PPP1R13L: variants seen among roughly 807,000 people sequenced by gnomAD.
The protein encoded by PPP1R13L is relA-associated inhibitor.
PPP1R13L carries 50 observed loss-of-function variants against 80.9 expected under a neutral mutation model. The ratio of observed to expected loss-of-function variants is 0.62; its 90% CI spans 0.49 to 0.78. The LOEUF is 0.78. PPP1R13L is among the 30% of genes least tolerant of loss of function. PPP1R13L has a pLI of 0.00. For synonymous variants in PPP1R13L, 602 were observed against 534.3 expected (o/e 1.13, Z -1.75); for missense variants, 1,200 against 1,205.9 (o/e 1.00, Z 0.07).
intron 7 of PPP1R13L, chr19:45,394,847 CCT>C (rs1491200837): frequency 2.9e-5 from 4 of 137,444 alleles, no homozygotes; most frequent in Admixed American, 1.4e-4. Flanking sequence ...TCATTATTTG[CCT>C]TTTTTTTTTT....
intron 12 of PPP1R13L, 120 bp from the exon 13 acceptor site, chr19:45,380,348 A>G: frequency 8.9e-7 from 1 of 1,118,142 alleles, no homozygotes; most frequent in Non-Finnish European, 1.3e-6. Context: ...CACCTCCCAA[A>G]CTGCTCCAGA....
chr19:45,395,865 G>C lies in PPP1R13L; in HGVS notation c.925C>G (p.Leu309Val). The C allele has an allele frequency of 6.3e-7, 1 of 1,595,014 alleles. No homozygotes were observed. Among genetic ancestry groups the C allele is most frequent in the Non-Finnish European group, 8.5e-7 (1 of 1,172,082 alleles). Residue 309 changes from leucine to valine, a missense_variant, in exon 7 of 13, where the codon CTG becomes GTG. By Grantham distance (32) the Leu-to-Val change is conservative. Around this residue, in one of 5 missense-constraint regions of PPP1R13L, gnomAD observed 764 missense variants for 714.5 expected, o/e 1.07. Coordinates refer to ENST00000360957, the MANE Select transcript of PPP1R13L (RefSeq NM_006663.4). ...TGKDNLTSATLPRNYKVSPLA... is the reference protein window; with the variant it reads ...TGKDNLTSATVPRNYKVSPLA... ...GGAGAGACCTTGTAATTGCGCGGCA[G>C]GGTGGCGCTAGTGAGGTTGTCCTGG...
chr19:45,385,264 A>G (rs1972842287), intron 11 of PPP1R13L, among the ~76,000 whole-genome samples: 1 of 152,218 alleles, frequency 6.6e-6, no homozygotes, highest in African/African-American at 2.4e-5. Flanking sequence ...GGCAGGGTTG[A>G]AACGTTCAGC....
intron 12 of PPP1R13L, among the ~76,000 whole-genome samples, chr19:45,382,098 G>A (rs549550402): frequency 4.8e-4 from 73 of 152,098 alleles, no homozygotes; most frequent in African/African-American, 1.7e-3. Flanking sequence ...AAAAGTAGCC[G>A]GGCGTGGTGG....
At position 45,395,753 on chromosome 19, in the gene PPP1R13L, C is replaced by T. The variant is rs1973073735; in HGVS notation, c.1037G>A (p.Trp346Ter). The change falls in exon 7 of 13, where the codon TGG becomes TAG. Residue 346 changes from tryptophan (W) to a stop codon, truncating the protein, a stop_gained. Transcript: ENST00000360957. LOFTEE classifies it high-confidence loss of function. ...CATGGGGATGCGGCTGACGGGCTGC[C>T]AGCTGCGAGGCAAAGTGCCCGACGG... ...AGPSGTLPRS[W>*]QPVSRIPMPP... The T allele has an allele frequency of 6.5e-7, 1 of 1,535,492 alleles. No homozygotes were observed. Among genetic ancestry groups the T allele is most frequent in the Non-Finnish European group, 8.7e-7 (1 of 1,146,520 alleles).
chr19:45,385,481 T>C, intron 11 of PPP1R13L, 81 bp downstream of exon 11: 4 of 1,417,470 alleles, frequency 2.8e-6, no homozygotes, highest in Non-Finnish European at 3.8e-6. Context: ...TACCCTTCTC[T>C]CCCTAGTAGG....
intron 1 of PPP1R13L, among the ~76,000 whole-genome samples, chr19:45,399,238 C>G (rs759888687): frequency 6.6e-6 from 1 of 151,010 alleles, no homozygotes; most frequent in African/African-American, 2.4e-5. Flanking sequence ...CCACCGCGCC[C>G]GGCCTTGTTT....
In PPP1R13L at chr19:45,395,615, A is replaced by T. The variant is rs376833119; in HGVS notation, c.1175T>A (p.Leu392His). Reference sequence around the variant, plus strand: ...TCGGGTGAAGAGGGGGGACCCAGGGAGCATGGCGCGGCTGGCCCCGTGCTC... The same window carrying T: ...TCGGGTGAAGAGGGGGGACCCAGGGTGCATGGCGCGGCTGGCCCCGTGCTC... ...FWEHGASRAM[L>H]PGSPLFTRAP... The change falls in exon 7 of 13, where the codon CTC becomes CAC. Residue 392 changes from leucine (L) to histidine (H), a missense_variant. Physicochemically the swap from Leu to His is moderately conservative, Grantham distance 99. Transcript: ENST00000360957. 26 of 1,471,662 alleles carry T rather than the reference A, an allele frequency of 1.8e-5. No homozygotes were observed. The Admixed American group carries it at 2.2e-4, about 12-fold the overall frequency. 91.2% of individuals were successfully genotyped at this position (1,471,662 alleles called of 1,614,324 possible).
At chr19:45,392,667 AG>A in intron 7 of PPP1R13L, 1 of 429,916 alleles carries the variant, frequency 2.3e-6, no homozygotes, top group Admixed American at 3.6e-5. Flanking sequence ...AGTTGCCCAA[AG>A]CCATGCAGTT....
At chr19:45,385,497 GT>G (rs1972846483) in intron 11 of PPP1R13L, 64 bp downstream of exon 11, 8 of 1,477,160 alleles carry the variant, frequency 5.4e-6, no homozygotes, top group Non-Finnish European at 7.3e-6. Flanking sequence ...GTAGGGGGTA[GT>G]TGCTCCCCTC....
At chr19:45,390,393 T>G (rs939842174) in intron 8 of PPP1R13L, among the ~76,000 whole-genome samples, 2 of 152,202 alleles carry the variant, frequency 1.3e-5, no homozygotes, top group Non-Finnish European at 2.9e-5. Context: ...CTGGTCCTGG[T>G]GGTTAAAATA....
At chr19:45,397,159 C>A (rs1973122111) in intron 3 of PPP1R13L, 101 bp from the exon 4 acceptor site, 4 of 970,574 alleles carry the variant, frequency 4.1e-6, no homozygotes, top group Non-Finnish European at 5.4e-6. Context: ...GGAGGTCAAC[C>A]CAGAGGAGGC....
intron 8 of PPP1R13L, among the ~76,000 whole-genome samples, chr19:45,388,279 C>T (rs1275415345): frequency 6.6e-6 from 1 of 152,024 alleles, no homozygotes; most frequent in Non-Finnish European, 1.5e-5. Context: ...TTATTTTCCC[C>T]AAGCTCTCTA....
At chr19:45,390,881 G>A (rs1972958983) in intron 8 of PPP1R13L, among the ~76,000 whole-genome samples, 1 of 152,114 alleles carries the variant, frequency 6.6e-6, no homozygotes, top group Non-Finnish European at 1.5e-5. Context: ...ACCGCGCCCG[G>A]CCGAGACTCA....
upstream of PPP1R13L, among the ~76,000 whole-genome samples, chr19:45,405,531 T>C (rs553132231): frequency 1.1e-4 from 17 of 152,336 alleles, no homozygotes; most frequent in East Asian, 3.1e-3. Context: ...GGGCGACTCT[T>C]TGCCTCGGGT....
In PPP1R13L at chr19:45,396,375, C is replaced by T. The variant is rs1382384630; in HGVS notation, c.774G>A (p.Ala258=). 4.3e-6 allele frequency: 7 copies of T among 1,614,050 alleles called. No individual in the cohort carries two copies. The highest frequency in any genetic ancestry group is 2.7e-5 in the African/African-American group (2 of 74,942). The part of the protein sequence containing the change: ...KAWNESDLDV[A]YEKKPSQTAS... Reference sequence around the variant, plus strand: ...CTGTCTGCGAAGGCTTCTTCTCGTACGCCACGTCCAGGTCAGACTCGTTCC... The same window carrying T: ...CTGTCTGCGAAGGCTTCTTCTCGTATGCCACGTCCAGGTCAGACTCGTTCC... Residue 258 remains alanine, a synonymous_variant, in exon 5 of 13, where the codon GCG becomes GCA. Coordinates refer to ENST00000360957, the MANE Select transcript of PPP1R13L (RefSeq NM_006663.4). The surrounding 1 kb of genome is among the most constrained non-coding windows in gnomAD (Gnocchi z 5.3).
At chr19:45,390,869 C>G (rs1005696006) in intron 8 of PPP1R13L, among the ~76,000 whole-genome samples, 14 of 152,104 alleles carry the variant, frequency 9.2e-5, no homozygotes, top group African/African-American at 3.4e-4. Context: ...CAGGCGTGAG[C>G]CACCGCGCCC....
Position 45,396,243 on chromosome 19 carries a change from T to A in PPP1R13L, c.828A>T (p.Ala276=). The A allele has an allele frequency of 6.2e-7, 1 of 1,610,392 alleles. No individual in the cohort carries two copies. Among genetic ancestry groups the A allele is most frequent in the East Asian group, 2.2e-5 (1 of 44,784 alleles). The change falls in exon 6 of 13, where the codon GCA becomes GCT. Residue 276 remains alanine (A), a synonymous_variant. Transcript: ENST00000360957. The surrounding 1 kb of genome is among the most constrained non-coding windows in gnomAD (Gnocchi z 5.3). ...GCTGCAGGCTCGGCGAGGCAGGCCTTGCGAAGACGTCCAGGCCTGCGGGGC... is the reference window on the plus strand; with the variant it reads ...GCTGCAGGCTCGGCGAGGCAGGCCTAGCGAAGACGTCCAGGCCTGCGGGGC... ...TASYERLDVF[A]RPASPSLQLL... is the part of the protein sequence containing the mutation.
intron 1 of PPP1R13L, among the ~76,000 whole-genome samples, chr19:45,403,601 T>C (rs904467639): frequency 1.3e-5 from 2 of 152,138 alleles, no homozygotes; most frequent in Non-Finnish European, 2.9e-5. Context: ...GCAAACCTTA[T>C]TCAAAGGGAG....
Sources: allele counts gnomAD v4.1 joint callset (sites outside exome capture counted in the v4.1 genomes callset), GRCh38; gene constraint gnomAD v4.1.1; regional missense constraint gnomAD v4.1.1; non-coding constraint Gnocchi (gnomAD v3.1); transcripts MANE v1.5; gene names NCBI Gene and HGNC (gene_info 2026-07-23, HGNC 2026-07-21).